Variants in KIF25 observed in about 807,000 individuals in gnomAD.
KIF25 encodes the protein kinesin family member 25, also known as kinesin-like protein KIF25.
KIF25 carries 19 observed loss-of-function variants against 32.9 expected under a neutral mutation model. The observed-to-expected ratio is 0.58, with a 90% confidence interval of 0.40 to 0.85. The LOEUF is 0.85. Ranked by LOEUF, KIF25 falls within the 40% of genes least tolerant of loss-of-function variation. KIF25 has a pLI of 0.00. For missense variants in KIF25, 485 were observed against 507.0 expected, an observed-to-expected ratio of 0.96 and a Z score of 0.42; for synonymous variants, 225 against 213.7, an observed-to-expected ratio of 1.05 and a Z score of -0.46.
At chr6:168,031,441 G>A (rs147562416) in intron 7 of KIF25, among the ~76,000 whole-genome samples, 59 of 152,348 alleles carry the variant, frequency 3.9e-4, no homozygotes, top group African/African-American at 1.4e-3. Flanking sequence ...AAAGGCTTCT[G>A]CACAGCCAAC....
At chr6:168,041,083 C>T (rs925986885) in intron 10 of KIF25, among the ~76,000 whole-genome samples, 4 of 152,202 alleles carry the variant, frequency 2.6e-5, no homozygotes, top group Non-Finnish European at 1.5e-5. Context: ...TGGAGAGCCA[C>T]GGGTCTGGGG....
At chr6:168,006,422 T>C (rs1163776217) in intron 4 of KIF25, among the ~76,000 whole-genome samples, 1 of 152,202 alleles carries the variant, frequency 6.6e-6, no homozygotes, top group East Asian at 1.9e-4. Context: ...TGTCTGGTTT[T>C]GAATGTACAG....
intron 2 of KIF25, among the ~76,000 whole-genome samples, chr6:168,001,238 T>G (rs540342178): frequency 5.3e-5 from 8 of 152,236 alleles, no homozygotes; most frequent in Non-Finnish European, 7.3e-5. Flanking sequence ...GTGTTTTGTA[T>G]GGACCGGTTC....
chr6:168,031,787 G>A (rs28585071), intron 7 of KIF25, among the ~76,000 whole-genome samples: 22,353 of 152,178 alleles, frequency 0.15, 1,869 homozygotes, highest in East Asian at 0.3. Context: ...ATGCGAAACA[G>A]ATGGAGTTAG....
intron 4 of KIF25, among the ~76,000 whole-genome samples, chr6:168,015,609 T>C (rs1798702707): frequency 6.6e-6 from 1 of 152,192 alleles, no homozygotes; most frequent in South Asian, 2.1e-4. Flanking sequence ...AAAAGAAGGA[T>C]GCTGTCAAGA....
chr6:168,032,194 T>C (rs1165086380), intron 7 of KIF25, among the ~76,000 whole-genome samples: 2 of 152,242 alleles, frequency 1.3e-5, no homozygotes, highest in African/African-American at 2.4e-5. Context: ...CGTCATGGCC[T>C]GAACCAGACT....
chr6:167,999,856 T>C (rs1289982107), intron 2 of KIF25, among the ~76,000 whole-genome samples: 1 of 152,104 alleles, frequency 6.6e-6, no homozygotes, highest in Non-Finnish European at 1.5e-5. Flanking sequence ...CAATATGACT[T>C]ACTTCCTTCC....
At chr6:168,011,378 C>T (rs1177122992) in intron 4 of KIF25, among the ~76,000 whole-genome samples, 8 of 152,074 alleles carry the variant, frequency 5.3e-5, no homozygotes, top group African/African-American at 1.2e-4. Flanking sequence ...TTGTAAGTCC[C>T]GTCTTGTGGT....
At position 168,022,004 on chromosome 6, in the gene KIF25, T is replaced by C. The variant is rs116388864; in HGVS notation, c.-95+3964T>C. Among the ~76,000 whole-genome samples the C allele has an allele frequency of 3.0e-3, 450 of 152,372 alleles. 5 individuals are homozygous for C. Among genetic ancestry groups the C allele is most frequent in the African/African-American group, 9.9e-3 (412 of 41,596 alleles). On this transcript the variant is annotated intron_variant, in intron 5 of 12. Transcript: ENST00000643607. ...GTTGCTGAGTTTTTTGTTTGTTTTA[T>C]TTTATTTTATAATACTGCTTGGGAC... is the stretch of plus-strand genomic sequence containing the variant.
At chr6:168,009,870 T>C (rs1798626026) in intron 4 of KIF25, among the ~76,000 whole-genome samples, 1 of 152,102 alleles carries the variant, frequency 6.6e-6, no homozygotes, top group Admixed American at 6.5e-5. Context: ...TGGTTGTTTA[T>C]AGTAGTTCTG....
intron 4 of KIF25, among the ~76,000 whole-genome samples, chr6:168,008,671 C>A (rs1319670511): frequency 2.6e-5 from 4 of 152,076 alleles, no homozygotes; most frequent in African/African-American, 9.7e-5. Context: ...GTTGTATTGT[C>A]ATTTTAACAA....
chr6:168,023,548 G>A (rs775399567), intron 5 of KIF25, among the ~76,000 whole-genome samples: 3 of 151,934 alleles, frequency 2.0e-5, no homozygotes, highest in East Asian at 1.9e-4. Context: ...GATTACAGGC[G>A]TGAGCCACCA....
At chr6:168,034,315 A>G (rs1239039722) in intron 8 of KIF25, among the ~76,000 whole-genome samples, 2 of 152,120 alleles carry the variant, frequency 1.3e-5, no homozygotes, top group Non-Finnish European at 1.5e-5. Context: ...CTGGAGTGCA[A>G]TAGTGTGATC....
At chr6:168,020,146 A>G (rs1798769548) in intron 5 of KIF25, among the ~76,000 whole-genome samples, 1 of 151,990 alleles carries the variant, frequency 6.6e-6, no homozygotes, top group Non-Finnish European at 1.5e-5. Flanking sequence ...ACAAACAAAC[A>G]AACAAACAAA....
intron 2 of KIF25, among the ~76,000 whole-genome samples, chr6:168,001,244 G>A (rs1260760658): frequency 1.3e-5 from 2 of 152,204 alleles, no homozygotes; most frequent in South Asian, 2.1e-4. Flanking sequence ...TGTATGGACC[G>A]GTTCAGCAAG....
At chr6:168,003,181 G>A (rs1798530458) in intron 3 of KIF25, among the ~76,000 whole-genome samples, 1 of 152,142 alleles carries the variant, frequency 6.6e-6, no homozygotes, top group Admixed American at 6.5e-5. Context: ...GTTCTTACTG[G>A]AGTATGGATG....
chr6:168,041,455 T>C (rs1041857241), intron 10 of KIF25, among the ~76,000 whole-genome samples: 3 of 152,258 alleles, frequency 2.0e-5, no homozygotes, highest in Admixed American at 6.5e-5. Flanking sequence ...TAAGACCGGA[T>C]TTCATGTCCT....
At position 168,040,137 on chromosome 6, in the gene KIF25, C is replaced by T. The variant is rs149720427; in HGVS notation, c.567C>T (p.Thr189=). Residue 189 remains threonine, a synonymous_variant, in exon 10 of 13, where the codon ACC becomes ACT. Transcript: ENST00000643607. The part of the protein sequence containing the change: ...GGLQLRAKHP[T]LVHADSSRSH... ...TGCAGCTCAGGGCGAAGCACCCCAC[C>T]CTGGTGCACGCGGATTCCTCCAGGT... is the stretch of plus-strand genomic sequence containing the variant. 1.2e-6 allele frequency: 2 copies of T among 1,614,008 alleles called. No individual in the cohort carries two copies. Among genetic ancestry groups the T allele is most frequent in the African/African-American group, 2.7e-5 (2 of 74,940 alleles).
chr6:168,039,990 C>G, intron 9 of KIF25, 75 bp from the exon 10 acceptor site: 11 of 1,506,126 alleles, frequency 7.3e-6, no homozygotes, highest in Non-Finnish European at 9.8e-6. Flanking sequence ...TTCCCTGAGC[C>G]GAGGAGTCTT....
Sources: allele counts gnomAD v4.1 joint callset (sites outside exome capture counted in the v4.1 genomes callset), GRCh38; gene constraint gnomAD v4.1.1; transcripts MANE v1.5; gene names NCBI Gene and HGNC (gene_info 2026-07-23, HGNC 2026-07-21).